Variants in NCOR1 observed in about 807,000 individuals in gnomAD.
NCOR1 encodes the protein protein phosphatase 1, regulatory subunit 109.
A neutral mutation model predicts 288.1 loss-of-function variants in NCOR1; 63 were observed. That is an observed-to-expected ratio of 0.22 (90% CI 0.18 to 0.27). NCOR1 has a LOEUF of 0.27. Ranked by LOEUF, NCOR1 falls within the 10% of genes least tolerant of loss-of-function variation. NCOR1 has a pLI of 1.00. For synonymous variants in NCOR1, 1,007 were observed against 1,065.9 expected (o/e 0.94, Z 1.08); for missense variants, 2,397 against 3,019.2 (o/e 0.79, Z 4.83).
At chr17:16,144,761 A>G (rs779588910) in intron 10 of NCOR1, among the ~76,000 whole-genome samples, 2 of 137,474 alleles carry the variant, frequency 1.5e-5, no homozygotes, top group East Asian at 4.3e-4. Context: ...GCTTTCCACG[A>G]TCTCCCTCTC....
At chr17:16,088,103 CATTTT>C (rs1044679056) in intron 22 of NCOR1, among the ~76,000 whole-genome samples, 13 of 150,628 alleles carry the variant, frequency 8.6e-5, no homozygotes, top group Non-Finnish European at 1.6e-4. Context: ...AATTCCCACT[CATTTT>C]ATTTATTATT....
intron 3 of NCOR1, among the ~76,000 whole-genome samples, chr17:16,178,804 G>T (rs1365593539): frequency 6.6e-6 from 1 of 152,058 alleles, no homozygotes; most frequent in African/African-American, 2.4e-5. Context: ...ACCAAGAAAT[G>T]TATTATATAA....
rs553656168 is a variant in NCOR1, at chr17:16,096,029, C to T, written c.2820+2338G>A. On this transcript the variant is annotated intron_variant, in intron 21 of 45. Coordinates refer to ENST00000268712, the MANE Select transcript of NCOR1 (RefSeq NM_006311.4). ...ATCCTGTTGATCTATGACCTTACCCCCAACCCTGTGCTCTCTGAAACATGT... is the reference window on the plus strand; with the variant it reads ...ATCCTGTTGATCTATGACCTTACCCTCAACCCTGTGCTCTCTGAAACATGT... Among the ~76,000 whole-genome samples the T allele has an allele frequency of 6.2e-4, 94 of 152,160 alleles. No homozygotes were observed. In the East Asian group the frequency reaches 0.018, roughly 29 times the overall value.
chr17:16,040,147 C>G (rs2057291008), intron 43 of NCOR1: 1 of 536,586 alleles, frequency 1.9e-6, no homozygotes, highest in African/African-American at 1.9e-5. Flanking sequence ...CCAAGTGAAT[C>G]AGTCACCCAC....
chr17:16,039,555 T>C lies in NCOR1; in HGVS notation c.6833A>G (p.Lys2278Arg). The C allele has an allele frequency of 2.5e-6, 4 of 1,614,118 alleles. No homozygotes were observed. The highest frequency in any genetic ancestry group is 3.4e-6 in the Non-Finnish European group (4 of 1,180,016). Reference sequence around the variant, plus strand: ...CATGACAACTCCATGATCCTCAACTTTGTCATCAAAGCTTCCCATGAGAGC... The same window carrying C: ...CATGACAACTCCATGATCCTCAACTCTGTCATCAAAGCTTCCCATGAGAGC... ...RKALMGSFDD[K>R]VEDHGVVMSQ... The change falls in exon 44 of 46, where the codon AAA becomes AGA. Residue 2278 changes from lysine (K) to arginine (R), a missense_variant. Physicochemically the swap from Lys to Arg is conservative, Grantham distance 26. Coordinates refer to ENST00000268712, the MANE Select transcript of NCOR1 (RefSeq NM_006311.4).
chr17:16,044,540 G>A, intron 42 of NCOR1: 1 of 495,958 alleles, frequency 2.0e-6, no homozygotes, highest in Non-Finnish European at 4.1e-6. Flanking sequence ...AGGAAGCTAA[G>A]GCCACGTTGG....
chr17:16,105,066 A>G (rs1453266954), intron 19 of NCOR1, among the ~76,000 whole-genome samples: 2 of 152,236 alleles, frequency 1.3e-5, no homozygotes, highest in Admixed American at 1.3e-4. Context: ...GAAAGTTCAC[A>G]GAGGTACAAA....
At chr17:16,164,243 G>GAA (rs34172004) in intron 5 of NCOR1, among the ~76,000 whole-genome samples, 2,479 of 138,894 alleles carry the variant, frequency 0.018, 27 homozygotes, top group Non-Finnish European at 0.021. Flanking sequence ...TCCAAATCTG[G>GAA]AAAAAAAAAA....
chr17:16,162,444 T>A (rs1239700558), intron 5 of NCOR1, among the ~76,000 whole-genome samples: 1 of 150,610 alleles, frequency 6.6e-6, no homozygotes, highest in Non-Finnish European at 1.5e-5. Flanking sequence ...TTCAGGAATA[T>A]CAGGTTGGAC....
At chr17:16,173,225 T>G (rs1331035850) in intron 3 of NCOR1, among the ~76,000 whole-genome samples, 1 of 152,162 alleles carries the variant, frequency 6.6e-6, no homozygotes, top group Non-Finnish European at 1.5e-5. Flanking sequence ...CTGGCCTGAA[T>G]GCTAAATTCT....
At chr17:16,133,591 AAAG>A (rs2075977414) in intron 14 of NCOR1, among the ~76,000 whole-genome samples, 1 of 152,226 alleles carries the variant, frequency 6.6e-6, no homozygotes, top group Admixed American at 6.5e-5. Flanking sequence ...CTGTTTTTAA[AAAG>A]AAGTATTCTA....
chr17:16,059,370 T>A (rs1335560182), intron 37 of NCOR1, among the ~76,000 whole-genome samples: 6 of 152,222 alleles, frequency 3.9e-5, no homozygotes, highest in Admixed American at 3.9e-4. Flanking sequence ...AAATGGAGTA[T>A]TGCTAACAAA....
intron 44 of NCOR1, among the ~76,000 whole-genome samples, chr17:16,037,140 A>G (rs2056559750): frequency 6.6e-6 from 1 of 152,224 alleles, no homozygotes; most frequent in East Asian, 1.9e-4. Context: ...GGAGAGAGAC[A>G]GGGAACAACC....
At chr17:16,087,072 C>A in intron 22 of NCOR1, 1 of 858,966 alleles carries the variant, frequency 1.2e-6, no homozygotes, top group Admixed American at 3.1e-5. Flanking sequence ...ACAGCAAGGA[C>A]ACGTCCTGGA....
chr17:16,061,469 GTGA>G lies in NCOR1; in HGVS notation c.5810_5812del (p.Ile1937del). On this transcript the variant is annotated inframe_deletion, in exon 37 of 46. Coordinates refer to ENST00000268712, the MANE Select transcript of NCOR1 (RefSeq NM_006311.4). ...ATCCTTGTCCGAGGCAATTTGCCGG[GTGA>G]TGATCACGTCTATGAAGTTAGCTGC... The G allele has an allele frequency of 6.2e-7, 1 of 1,614,210 alleles. No individual in the cohort carries two copies. Among genetic ancestry groups the G allele is most frequent in the South Asian group, 1.1e-5 (1 of 91,074 alleles).
At chr17:16,110,560 G>C (rs1206790793) in intron 18 of NCOR1, among the ~76,000 whole-genome samples, 2 of 152,066 alleles carry the variant, frequency 1.3e-5, no homozygotes, top group Non-Finnish European at 2.9e-5. Flanking sequence ...TAAATAGAAG[G>C]CTTAATATCT....
intron 21 of NCOR1, among the ~76,000 whole-genome samples, chr17:16,095,446 G>A (rs2066304770): frequency 6.7e-6 from 1 of 148,582 alleles, no homozygotes; most frequent in Non-Finnish European, 1.5e-5. Flanking sequence ...GAGGTGGGGG[G>A]TCAGCCCCCC....
In NCOR1 at chr17:16,043,223, A is replaced by G. The variant is rs143377248; in HGVS notation, c.6680-2729T>C. Among the ~76,000 whole-genome samples the G allele has an allele frequency of 2.6e-3, 396 of 152,318 alleles. 3 individuals carry two copies. The highest frequency in any genetic ancestry group is 9.0e-3 in the African/African-American group (374 of 41,572). ...TTACAGTTTTCAAAAAAATAAAGTC[A>G]CTGATGTCCTTGGGAACACTGGATT... is the stretch of plus-strand genomic sequence containing the variant. On this transcript the variant is annotated intron_variant, in intron 42 of 45. Coordinates refer to ENST00000268712, the MANE Select transcript of NCOR1 (RefSeq NM_006311.4).
chr17:16,079,948 G>A lies in NCOR1; in HGVS notation c.3501+16C>T. On this transcript the variant is annotated intron_variant, in intron 26 of 45. Transcript: ENST00000268712. ...CTGAGCTTCTGTTGAGTATATCAGA[G>A]ATGATCGTGACTAACCTGAGTGATA... 3 of 1,593,222 alleles carry A rather than the reference G, an allele frequency of 1.9e-6. No homozygotes were observed. The highest frequency in any genetic ancestry group is 2.6e-6 in the Non-Finnish European group (3 of 1,161,328).
Sources: gnomAD v4.1 joint callset for allele counts (sites outside exome capture counted in the v4.1 genomes callset) on GRCh38, gnomAD v4.1.1 for gene constraint, MANE v1.5 for transcripts, NCBI Gene and HGNC (gene_info 2026-07-23, HGNC 2026-07-21) for gene names.